FOXJ3: variants seen among roughly 807,000 people sequenced by gnomAD.
FOXJ3 encodes forkhead box J3.
In FOXJ3, 22 loss-of-function variants were observed where a neutral mutation model predicts 76.1. The observed-to-expected ratio is 0.29, with a 90% CI of 0.21 to 0.41. FOXJ3 has a LOEUF of 0.41. Ranked by LOEUF, FOXJ3 falls within the 10% of genes least tolerant of loss-of-function variation. FOXJ3 has a pLI of 1.00. For synonymous variants in FOXJ3, 269 were observed against 261.2 expected (o/e 1.03, Z -0.29); for missense variants, 613 against 762.1 (o/e 0.80, Z 2.30).
chr1:42,254,389 T>C (rs1650391019), intron 4 of FOXJ3, among the ~76,000 whole-genome samples: 1 of 147,556 alleles, frequency 6.8e-6, no homozygotes, highest in African/African-American at 2.5e-5. Context: ...AGTTCAACCA[T>C]TGTGGAAGTC....
chr1:42,311,028 GAAA>G lies in FOXJ3; in HGVS notation c.44+19_44+21del. On this transcript the variant is annotated intron_variant, in intron 2 of 12. Transcript: ENST00000361346. ...TTAAAATGTTATATGTTCTAATAAA[GAAA>G]AAAAAAAAGAGCACTCACCTTAATG... 1 of 1,203,318 alleles carries G rather than the reference GAAA, an allele frequency of 8.3e-7. No individual in the cohort carries two copies. The highest frequency in any genetic ancestry group is 1.6e-5 in the South Asian group (1 of 63,208). The allele number at this position is 1,203,318 out of a possible 1,614,324, so 74.5% of individuals were successfully genotyped here. A position where few individuals can be genotyped will look rare whatever the true frequency, so the allele number is the denominator to read the frequency against.
At chr1:42,192,080 A>C (rs1646559631) in intron 8 of FOXJ3, among the ~76,000 whole-genome samples, 1 of 152,224 alleles carries the variant, frequency 6.6e-6, no homozygotes, top group South Asian at 2.1e-4. Flanking sequence ...AAGATAAGGA[A>C]ATGTTCGGGG....
chr1:42,306,130 T>C (rs530610952), intron 2 of FOXJ3, among the ~76,000 whole-genome samples: 1 of 152,310 alleles, frequency 6.6e-6, no homozygotes, highest in South Asian at 2.1e-4. Flanking sequence ...GCCTTTGCTT[T>C]TTCAGTAAGC....
intron 2 of FOXJ3, among the ~76,000 whole-genome samples, chr1:42,288,413 C>T (rs1300805757): frequency 6.6e-6 from 1 of 152,202 alleles, no homozygotes; most frequent in African/African-American, 2.4e-5. Context: ...TTCAGCTCAC[C>T]AGCCAACATT....
intron 5 of FOXJ3, among the ~76,000 whole-genome samples, chr1:42,210,805 A>T (rs1475356260): frequency 1.3e-5 from 2 of 151,998 alleles, no homozygotes; most frequent in Non-Finnish European, 2.9e-5. Context: ...AGGTCACATC[A>T]CTGAATCCCT....
intron 11 of FOXJ3, among the ~76,000 whole-genome samples, chr1:42,182,642 C>G (rs142780092): frequency 6.6e-6 from 1 of 150,968 alleles, no homozygotes; most frequent in Non-Finnish European, 1.5e-5. Context: ...GGATTACAGG[C>G]GTGCACTACC....
rs138469226 is a variant in FOXJ3 at position 42,188,781 on chromosome 1, T to C, written c.1601A>G (p.His534Arg). ...SQSNVQQNVC[H>R]GAMHPTKPSQ... is the part of the protein sequence containing the mutation. The stretch of plus-strand genomic sequence containing the variant: ...AGGTTTTGTTGGATGCATGGCACCA[T>C]GACAAACATTTTGTTGAACATTACT... Residue 534 changes from histidine (H) to arginine (R), a missense_variant, in exon 11 of 13, where the codon CAT becomes CGT. This residue lies in a region of FOXJ3 where 526 missense variants were observed against 601.4 expected (regional missense o/e 0.87). Coordinates refer to ENST00000361346, the MANE Select transcript of FOXJ3 (RefSeq NM_014947.5). 75 of 1,611,586 alleles carry C rather than the reference T, an allele frequency of 4.7e-5. No individual in the cohort carries two copies. The East Asian group carries it at 1.2e-3, about 25-fold the overall frequency.
In FOXJ3 at chr1:42,334,206, G is replaced by A. The variant is rs559327468; in HGVS notation, c.-18+853C>T. 264 of 730,474 alleles carry A rather than the reference G, an allele frequency of 3.6e-4. 1 individual carries two copies. The highest frequency in any genetic ancestry group is 4.0e-4 in the Non-Finnish European group (241 of 597,280). The allele number at this position is 730,474 out of a possible 1,614,324, so 45.2% of individuals were successfully genotyped here. A position where few individuals can be genotyped will look rare whatever the true frequency, so the allele number is the denominator to read the frequency against. On this transcript the variant is annotated intron_variant, in intron 1 of 12. Transcript: ENST00000361346. ...AGAGAAAAGAATAAGAGCAGCTAAT[G>A]GAAGAGGAAAAAAGATGTTAATGAA...
chr1:42,247,045 A>G (rs987067792), intron 4 of FOXJ3, among the ~76,000 whole-genome samples: 1 of 152,136 alleles, frequency 6.6e-6, no homozygotes, highest in Non-Finnish European at 1.5e-5. Flanking sequence ...TGCTGGGTGA[A>G]AATAAGTTTA....
intron 1 of FOXJ3, among the ~76,000 whole-genome samples, chr1:42,314,672 G>A (rs1430751937): frequency 1.3e-5 from 2 of 152,184 alleles, no homozygotes; most frequent in Non-Finnish European, 2.9e-5. Context: ...TGGGCATGAG[G>A]GGCTGCAGAA....
At chr1:42,309,394 A>G (rs1654668794) in intron 2 of FOXJ3, among the ~76,000 whole-genome samples, 1 of 152,192 alleles carries the variant, frequency 6.6e-6, no homozygotes, top group Non-Finnish European at 1.5e-5. Context: ...TCCCTCCATC[A>G]TACTTTAAGA....
At chr1:42,183,081 A>T (rs957240766) in intron 11 of FOXJ3, among the ~76,000 whole-genome samples, 1 of 147,894 alleles carries the variant, frequency 6.8e-6, no homozygotes, top group Non-Finnish European at 1.5e-5. Context: ...TCAAGATCAG[A>T]CTGGCCAACA....
In FOXJ3 at chr1:42,325,563, G is replaced by T. The variant is rs1655783493; in HGVS notation, c.-18+9496C>A. Among the ~76,000 whole-genome samples, 6 of 152,338 alleles carry T rather than the reference G, an allele frequency of 3.9e-5. No individual in the cohort carries two copies. In the South Asian group the frequency reaches 1.2e-3, roughly 32 times the overall value. On this transcript the variant is annotated intron_variant, in intron 1 of 12. Transcript: ENST00000361346. The stretch of plus-strand genomic sequence containing the variant: ...GGAACAGATGAGCAAGCGAATGAGT[G>T]AGAGAAATGATGAGTCCAATGTACC...
rs59212793 is a variant in FOXJ3, at chr1:42,268,309, A to C, written c.370-3120T>G. On this transcript the variant is annotated intron_variant, in intron 3 of 12. Coordinates refer to ENST00000361346, the MANE Select transcript of FOXJ3 (RefSeq NM_014947.5). ...GAAGGCAATGGAGTGACATCTTAAA[A>C]TACTGAAAGAAAAAAAAACCTGTGC... Among the ~76,000 whole-genome samples, 475 of 152,192 alleles carry C rather than the reference A, an allele frequency of 3.1e-3. 4 individuals carry two copies. Among genetic ancestry groups the C allele is most frequent in the African/African-American group, 0.011 (451 of 41,568 alleles).
intron 11 of FOXJ3, among the ~76,000 whole-genome samples, chr1:42,182,827 AT>A (rs1228731465): frequency 6.6e-6 from 1 of 151,944 alleles, no homozygotes; most frequent in Non-Finnish European, 1.5e-5. Context: ...ATCACCACCT[AT>A]TTCTCTACTT....
intron 8 of FOXJ3, among the ~76,000 whole-genome samples, chr1:42,191,992 CT>C (rs761392287): frequency 6.6e-6 from 1 of 152,108 alleles, no homozygotes; most frequent in Non-Finnish European, 1.5e-5. Context: ...AAAACTGCTC[CT>C]TGTCTGTTCA....
At chr1:42,304,301 C>A (rs1233866660) in intron 2 of FOXJ3, among the ~76,000 whole-genome samples, 1 of 151,658 alleles carries the variant, frequency 6.6e-6, no homozygotes, top group South Asian at 2.1e-4. Context: ...GTAGAAGAAC[C>A]AATATTGTTA....
chr1:42,243,022 G>A (rs993637457), intron 4 of FOXJ3, among the ~76,000 whole-genome samples: 7 of 152,160 alleles, frequency 4.6e-5, no homozygotes, highest in African/African-American at 1.7e-4. Flanking sequence ...GACCAGGAGA[G>A]AATGGGATGA....
At chr1:42,322,828 G>A (rs1233593529) in intron 1 of FOXJ3, among the ~76,000 whole-genome samples, 1 of 152,090 alleles carries the variant, frequency 6.6e-6, no homozygotes, top group African/African-American at 2.4e-5. Context: ...GAAACAAAAT[G>A]CAAACTTGGG....
Sources: gnomAD v4.1 joint callset for allele counts (sites outside exome capture counted in the v4.1 genomes callset) on GRCh38, gnomAD v4.1.1 for gene constraint, gnomAD v4.1.1 regional missense constraint, MANE v1.5 for transcripts, NCBI Gene and HGNC (gene_info 2026-07-23, HGNC 2026-07-21) for gene names.